ITGAM: variants seen among roughly 807,000 people sequenced by gnomAD.
ITGAM encodes the protein integrin alpha-M.
Under a neutral mutation model 137.5 loss-of-function variants are expected in ITGAM, and 79 were observed. That is an observed-to-expected ratio of 0.57 (90% CI 0.48 to 0.69). The LOEUF is 0.69. ITGAM is among the 30% of genes least tolerant of loss of function. ITGAM has a pLI of 0.00. For synonymous variants in ITGAM, 583 were observed against 592.3 expected (o/e 0.98, Z 0.23); for missense variants, 1,343 against 1,483.5 (o/e 0.91, Z 1.56).
intron 2 of ITGAM, among the ~76,000 whole-genome samples, chr16:31,262,330 CCCTTCCATCCTTCCTT>C (rs1410360586): frequency 1.1e-4 from 13 of 118,880 alleles, no homozygotes; most frequent in African/African-American, 3.5e-4. Flanking sequence ...TCCCTTCCCT[CCCTTCCATCCTTCCTT>C]CCTTCCTTCC....
In ITGAM at chr16:31,278,010, G is replaced by T; in HGVS notation, c.1257G>T (p.Leu419=). ...TCTTACGGAACCGGGTGCAAAGCCTGGTTCTGGGGGCACCTCGATATCAGC... is the reference window on the plus strand; with the variant it reads ...TCTTACGGAACCGGGTGCAAAGCCTTGTTCTGGGGGCACCTCGATATCAGC... ...AIILRNRVQS[L]VLGAPRYQHI... is the part of the protein sequence containing the mutation. The change falls in exon 12 of 30, where the codon CTG becomes CTT. Residue 419 remains leucine (L), a synonymous_variant. Transcript: ENST00000544665. 1 of 1,605,010 alleles carries T rather than the reference G, an allele frequency of 6.2e-7. No homozygotes were observed. Among genetic ancestry groups the T allele is most frequent in the Non-Finnish European group, 8.5e-7 (1 of 1,175,916 alleles).
intron 12 of ITGAM, among the ~76,000 whole-genome samples, chr16:31,289,922 A>G (rs991647874): frequency 9.9e-5 from 15 of 151,996 alleles, no homozygotes; most frequent in Middle Eastern, 3.4e-3. Flanking sequence ...TCGTTACTAA[A>G]AATACAAAAT....
intron 12 of ITGAM, among the ~76,000 whole-genome samples, chr16:31,285,360 T>C (rs1269090873): frequency 6.6e-6 from 1 of 152,062 alleles, no homozygotes; most frequent in Non-Finnish European, 1.5e-5. Context: ...TGAGGGGTGG[T>C]CTCCTCCCTT....
At position 31,324,612 on chromosome 16, in the gene ITGAM, C is replaced by T; in HGVS notation, c.2158-39C>T. ...CCAAGCATGGAGTGGGCTTGGGGAG[C>T]TGAGGAGGGCAGATCCCCAAATCCC... On this transcript the variant is annotated intron_variant, in intron 17 of 29. Coordinates refer to ENST00000544665, the MANE Select transcript of ITGAM (RefSeq NM_000632.4). The surrounding 1 kb of genome is among the most constrained non-coding windows in gnomAD (Gnocchi z 4.5). 6.2e-7 allele frequency: 1 copy of T among 1,608,620 alleles called. No individual in the cohort carries two copies. Among genetic ancestry groups the T allele is most frequent in the Middle Eastern group, 1.7e-4 (1 of 6,044 alleles).
intron 28 of ITGAM, among the ~76,000 whole-genome samples, chr16:31,330,874 T>C (rs111209390): frequency 6.7e-6 from 1 of 149,692 alleles, no homozygotes; most frequent in Non-Finnish European, 1.5e-5. Context: ...GAGATGGAGA[T>C]AGACAGAGAG....
chr16:31,273,310 A>C (rs550010792), intron 7 of ITGAM, 55 bp from the exon 8 acceptor site: 265 of 1,520,094 alleles, frequency 1.7e-4, no homozygotes, highest in African/African-American at 1.0e-3. Flanking sequence ...AAAAAAAAAA[A>C]AACTAGTGTG....
At chr16:31,276,626 C>T in intron 9 of ITGAM, 45 bp from the exon 10 acceptor site, 2 of 1,441,838 alleles carry the variant, frequency 1.4e-6, no homozygotes, top group Non-Finnish European at 1.9e-6. Flanking sequence ...GCCACCATGC[C>T]CGGCCTTCTG....
rs144331185 is a variant in ITGAM, at chr16:31,283,012, A to T, written c.1356+4903A>T. ...TGGCTGGATATGAAGTTCTGGGTTG[A>T]AAATTCTTTTCTCTAAGAATGTTGA... is the stretch of plus-strand genomic sequence containing the variant. On this transcript the variant is annotated intron_variant, in intron 12 of 29. Coordinates refer to ENST00000544665, the MANE Select transcript of ITGAM (RefSeq NM_000632.4). 8.5e-3 allele frequency among the ~76,000 whole-genome samples: 1,293 copies of T among 152,298 alleles called. 34 individuals carry two copies. Among genetic ancestry groups the T allele is most frequent in the Admixed American group, 0.047 (725 of 15,278 alleles).
At chr16:31,302,764 T>G (rs2080220978) in intron 14 of ITGAM, among the ~76,000 whole-genome samples, 1 of 151,628 alleles carries the variant, frequency 6.6e-6, no homozygotes, top group Admixed American at 6.6e-5. Context: ...CTCGAACACC[T>G]GACCTTGTGA....
At chr16:31,293,374 T>A (rs2080105040) in intron 12 of ITGAM, among the ~76,000 whole-genome samples, 1 of 152,214 alleles carries the variant, frequency 6.6e-6, no homozygotes, top group East Asian at 1.9e-4. Context: ...TCTTATAGTT[T>A]TGGGTTTTAC....
chr16:31,270,875 A>AGCAGAGG, intron 5 of ITGAM, 79 bp from the exon 6 acceptor site: 1 of 933,208 alleles, frequency 1.1e-6, no homozygotes, highest in Non-Finnish European at 1.5e-6. Context: ...CTCATTGTTC[A>AGCAGAGG]GCAGAGGGCT....
chr16:31,312,345 A>G (rs1196667170), intron 14 of ITGAM, among the ~76,000 whole-genome samples: 1 of 152,236 alleles, frequency 6.6e-6, no homozygotes, highest in Non-Finnish European at 1.5e-5. Context: ...TCAACAAAGA[A>G]CATGCAAGAA....
intron 14 of ITGAM, among the ~76,000 whole-genome samples, chr16:31,302,934 T>TC (rs2080226051): frequency 1.1e-4 from 6 of 54,888 alleles, no homozygotes; most frequent in Admixed American, 4.1e-4. Context: ...CTTTCTTTCT[T>TC]TCTTTCTTTC....
intron 14 of ITGAM, among the ~76,000 whole-genome samples, chr16:31,298,808 G>C (rs762107075): frequency 6.6e-6 from 1 of 151,100 alleles, no homozygotes; most frequent in African/African-American, 2.4e-5. Context: ...TTCAACAAGG[G>C]GTCCTACGTT....
intron 14 of ITGAM, among the ~76,000 whole-genome samples, chr16:31,306,011 A>G (rs1367332496): frequency 1.3e-5 from 2 of 152,002 alleles, no homozygotes; most frequent in South Asian, 2.1e-4. Context: ...CTCTTTCTCT[A>G]TCTTTTGGAA....
At chr16:31,265,125 C>T (rs1437995928) in intron 2 of ITGAM, among the ~76,000 whole-genome samples, 1 of 152,148 alleles carries the variant, frequency 6.6e-6, no homozygotes, top group South Asian at 2.1e-4. Context: ...CCCTTGGCCT[C>T]CCAAAGTGCT....
intron 14 of ITGAM, among the ~76,000 whole-genome samples, chr16:31,307,626 G>A (rs1467075749): frequency 6.6e-6 from 1 of 152,046 alleles, no homozygotes; most frequent in South Asian, 2.1e-4. Context: ...TTTCCTAATC[G>A]AATGCCCTTT....
intron 12 of ITGAM, among the ~76,000 whole-genome samples, chr16:31,291,194 T>G (rs1486370266): frequency 6.6e-6 from 1 of 152,186 alleles, no homozygotes; most frequent in Non-Finnish European, 1.5e-5. Flanking sequence ...CTGGATAATA[T>G]TCCATTGTGC....
At chr16:31,307,040 G>A (rs2144419039) in intron 14 of ITGAM, among the ~76,000 whole-genome samples, 1 of 152,286 alleles carries the variant, frequency 6.6e-6, no homozygotes, top group South Asian at 2.1e-4. Flanking sequence ...TGCTGTTTTG[G>A]TTACTGTAGC....
Sources: gnomAD v4.1 joint callset for allele counts (sites outside exome capture counted in the v4.1 genomes callset) on GRCh38, gnomAD v4.1.1 for gene constraint, Gnocchi (gnomAD v3.1) non-coding constraint, MANE v1.5 for transcripts, NCBI Gene and HGNC (gene_info 2026-07-23, HGNC 2026-07-21) for gene names.